The following CPNE8 variants were observed in gnomAD, a reference collection of about 807,000 sequenced individuals.
CPNE8 encodes the protein copine 8, also known as copine-8.
In CPNE8, 45 loss-of-function variants were observed where a neutral mutation model predicts 81.5. The ratio of observed to expected loss-of-function variants is 0.55; its 90% CI spans 0.44 to 0.71. CPNE8 has a LOEUF of 0.71. Among genes scored for constraint, CPNE8 ranks in the 30% least tolerant of loss-of-function variants. The probability of loss-of-function intolerance (pLI) is 0.00; values close to 1 mark genes in which losing one functional copy is unlikely to be tolerated. For missense variants in CPNE8, 594 were observed against 672.1 expected (o/e 0.88, Z 1.28); for synonymous variants, 252 against 226.3 (o/e 1.11, Z -1.02).
intron 10 of CPNE8, among the ~76,000 whole-genome samples, chr12:38,754,693 CAA>C (rs1333093438): frequency 3.3e-5 from 5 of 151,356 alleles, no homozygotes; most frequent in Non-Finnish European, 7.4e-5. Context: ...TGAAATGGGA[CAA>C]AAAATTCACA....
At chr12:38,860,385 CAAAAAAA>C (rs36025286) in intron 3 of CPNE8, among the ~76,000 whole-genome samples, 2 of 111,312 alleles carry the variant, frequency 1.8e-5, no homozygotes, top group African/African-American at 3.6e-5. Flanking sequence ...TGGCTATTAT[CAAAAAAA>C]AAAAAAAAAA....
chr12:38,752,279 C>A (rs576148310), intron 10 of CPNE8, among the ~76,000 whole-genome samples: 1 of 152,106 alleles, frequency 6.6e-6, no homozygotes, highest in Non-Finnish European at 1.5e-5. Context: ...CTGCAAGGTT[C>A]GGGTTGTAGT....
chr12:38,734,003 T>G (rs1437794642), intron 10 of CPNE8, among the ~76,000 whole-genome samples: 1 of 125,254 alleles, frequency 8.0e-6, no homozygotes. Context: ...CTCCAAGAAG[T>G]CTTTTTTGCT....
At chr12:38,848,134 C>T (rs1386280686) in intron 4 of CPNE8, among the ~76,000 whole-genome samples, 1 of 152,040 alleles carries the variant, frequency 6.6e-6, no homozygotes, top group Non-Finnish European at 1.5e-5. Context: ...TTATCCTGGT[C>T]CTTGGAAAAA....
At chr12:38,719,414 G>C (rs865895284) in intron 13 of CPNE8, among the ~76,000 whole-genome samples, 1 of 151,878 alleles carries the variant, frequency 6.6e-6, no homozygotes. Flanking sequence ...GACCAGCATG[G>C]CCAACATAAC....
At chr12:38,899,093 A>T (rs1362621768) in intron 1 of CPNE8, among the ~76,000 whole-genome samples, 1 of 152,220 alleles carries the variant, frequency 6.6e-6, no homozygotes, top group Non-Finnish European at 1.5e-5. Context: ...CCAGTAGAGA[A>T]GGAAGACCAG....
intron 1 of CPNE8, among the ~76,000 whole-genome samples, chr12:38,880,568 C>T (rs527659151): frequency 1.3e-5 from 2 of 152,212 alleles, no homozygotes; most frequent in African/African-American, 2.4e-5. Flanking sequence ...ACCATGCCCA[C>T]GGCCTTTATT....
intron 1 of CPNE8, among the ~76,000 whole-genome samples, chr12:38,884,506 A>G (rs1254325084): frequency 6.6e-6 from 1 of 152,198 alleles, no homozygotes; most frequent in African/African-American, 2.4e-5. Flanking sequence ...GATTTGTACA[A>G]GTTTTTATGC....
chr12:38,676,353 A>G, intron 17 of CPNE8: 2 of 968,062 alleles, frequency 2.1e-6, no homozygotes, highest in South Asian at 4.8e-5. Context: ...ATAGAAGGTA[A>G]GGAGCATCTA....
intron 15 of CPNE8, among the ~76,000 whole-genome samples, chr12:38,689,375 C>G (rs939848861): frequency 6.6e-6 from 1 of 152,170 alleles, no homozygotes; most frequent in African/African-American, 2.4e-5. Flanking sequence ...TGCAAGAAGT[C>G]TGTCATCTCT....
chr12:38,660,084 T>A (rs975286072), intron 19 of CPNE8, among the ~76,000 whole-genome samples: 2 of 152,196 alleles, frequency 1.3e-5, no homozygotes, highest in African/African-American at 4.8e-5. Flanking sequence ...AAGCTACCGA[T>A]GACTTTCTTC....
intron 6 of CPNE8, among the ~76,000 whole-genome samples, chr12:38,787,669 T>C (rs1942227033): frequency 6.6e-6 from 1 of 151,602 alleles, no homozygotes. Context: ...GTTAGGTTTT[T>C]GAAAAGTTAA....
intron 1 of CPNE8, among the ~76,000 whole-genome samples, chr12:38,876,779 A>G (rs1457944217): frequency 6.6e-6 from 1 of 152,208 alleles, no homozygotes; most frequent in Non-Finnish European, 1.5e-5. Flanking sequence ...AATTCCCAAA[A>G]GACTACTTTA....
At chr12:38,699,416 C>T (rs557165583) in intron 14 of CPNE8, among the ~76,000 whole-genome samples, 4 of 152,278 alleles carry the variant, frequency 2.6e-5, no homozygotes, top group South Asian at 2.1e-4. Context: ...TTATGTGCCC[C>T]GATCCTTATG....
In CPNE8 at chr12:38,730,303, A is replaced by G; in HGVS notation, c.778T>C (p.Ser260Pro). Reference sequence around the variant, plus strand: ...CTTACCTCATATACGTTGAATTGTGACTGCCCTCTAGAAAGTTCCCTATAG... The same window carrying G: ...CTTACCTCATATACGTTGAATTGTGGCTGCCCTCTAGAAAGTTCCCTATAG... ...TSYRELSRGQ[S>P]QFNVYEVVNP... Residue 260 changes from serine (S) to proline (P), a missense_variant, in exon 11 of 20, where the codon TCA becomes CCA. Coordinates refer to ENST00000331366, the MANE Select transcript of CPNE8 (RefSeq NM_153634.3). 1 of 1,591,956 alleles carries G rather than the reference A, an allele frequency of 6.3e-7. No individual in the cohort carries two copies. Among genetic ancestry groups the G allele is most frequent in the Non-Finnish European group, 8.6e-7 (1 of 1,161,370 alleles).
intron 4 of CPNE8, among the ~76,000 whole-genome samples, chr12:38,843,292 GA>G (rs963213529): frequency 1.3e-5 from 2 of 151,596 alleles, no homozygotes; most frequent in African/African-American, 4.8e-5. Context: ...AAGGCCCAAA[GA>G]AAAAAAACAA....
chr12:38,787,682 A>G (rs894851269), intron 6 of CPNE8, among the ~76,000 whole-genome samples: 3 of 151,774 alleles, frequency 2.0e-5, no homozygotes, highest in African/African-American at 7.2e-5. Flanking sequence ...AAAGTTAAAC[A>G]AAATCAACAA....
chr12:38,834,246 G>A (rs1044766233), intron 5 of CPNE8, among the ~76,000 whole-genome samples: 7 of 152,060 alleles, frequency 4.6e-5, no homozygotes, highest in African/African-American at 1.7e-4. Context: ...TTGGCTGATG[G>A]TTAGTAAATC....
In CPNE8 at chr12:38,796,922, G is replaced by C. The variant is rs111610156; in HGVS notation, c.408-20621C>G. Among the ~76,000 whole-genome samples, 926 of 152,176 alleles carry C rather than the reference G, an allele frequency of 6.1e-3. 9 individuals are homozygous for C. The highest frequency in any genetic ancestry group is 0.021 in the African/African-American group (881 of 41,512). On this transcript the variant is annotated intron_variant, in intron 6 of 19. Transcript: ENST00000331366. ...CCGCACATGGCTCAGAGGGTCCTAC[G>C]TCCATGGAGTCTCGCTGATTGCTAG...
Sources: gnomAD v4.1 joint callset for allele counts (sites outside exome capture counted in the v4.1 genomes callset) on GRCh38, gnomAD v4.1.1 for gene constraint, MANE v1.5 for transcripts, NCBI Gene and HGNC (gene_info 2026-07-23, HGNC 2026-07-21) for gene names.